DEFB107A: variants seen among roughly 807,000 people sequenced by gnomAD.
DEFB107A encodes beta-defensin 107.
rs1176834156 is a variant in DEFB107A, at chr8:7,813,473, G to A, written c.71-1523C>T. 1.0e-3 allele frequency among the ~76,000 whole-genome samples: 156 copies of A among 150,210 alleles called. 1 individual carries two copies. The highest frequency in any genetic ancestry group is 3.7e-3 in the African/African-American group (151 of 40,426). On this transcript the variant is annotated intron_variant, in intron 1 of 1. Coordinates refer to ENST00000335021, the MANE Select transcript of DEFB107A (RefSeq NM_001037668.1). ...TATTTTTGGACTTTTACATGAAAGAGAAATAAGGTTTTGTCTTTCTTCAGT... is the reference window on the plus strand; with the variant it reads ...TATTTTTGGACTTTTACATGAAAGAAAAATAAGGTTTTGTCTTTCTTCAGT...
chr8:7,813,562 C>G (rs1817139072), intron 1 of DEFB107A, among the ~76,000 whole-genome samples: 1 of 151,918 alleles, frequency 6.6e-6, no homozygotes, highest in South Asian at 2.1e-4. Flanking sequence ...CAAGTTTATT[C>G]ATCTTCAAAA....
chr8:7,813,304 T>C (rs1178833985), intron 1 of DEFB107A, among the ~76,000 whole-genome samples: 3 of 143,446 alleles, frequency 2.1e-5, no homozygotes, highest in East Asian at 2.0e-4. Flanking sequence ...AATCAGGTTC[T>C]ATACTTTCTA....
chr8:7,812,952 C>CACAT (rs772424755), intron 1 of DEFB107A, among the ~76,000 whole-genome samples: 20 of 149,130 alleles, frequency 1.3e-4, no homozygotes, highest in African/African-American at 4.5e-4. Flanking sequence ...CACACACACA[C>CACAT]ATATATATAT....
At chr8:7,812,934 T>TACACACAC (rs5889217) in intron 1 of DEFB107A, among the ~76,000 whole-genome samples, 29 of 145,334 alleles carry the variant, frequency 2.0e-4, no homozygotes, top group East Asian at 1.2e-3. Context: ...CGCACACACA[T>TACACACAC]ACACACACAC....
In DEFB107A at chr8:7,813,214, C is replaced by T. The variant is rs1585681722; in HGVS notation, c.71-1264G>A. Among the ~76,000 whole-genome samples, 6 of 128,460 alleles carry T rather than the reference C, an allele frequency of 4.7e-5. No individual in the cohort carries two copies. In the South Asian group the frequency reaches 1.9e-3, roughly 41 times the overall value. The allele number at this position is 128,460 out of a possible 152,430, so 84.3% of individuals were successfully genotyped here. On this transcript the variant is annotated intron_variant, in intron 1 of 1. Coordinates refer to ENST00000335021, the MANE Select transcript of DEFB107A (RefSeq NM_001037668.1). ...GCTATTCACATCAGCTCCTAGCTTCCTATTTCTATATGTCCACATGAACAA... is the reference window on the plus strand; with the variant it reads ...GCTATTCACATCAGCTCCTAGCTTCTTATTTCTATATGTCCACATGAACAA...
rs1379524389 is a variant in DEFB107A, at chr8:7,811,999, G to GT, written c.71-50dup. On this transcript the variant is annotated intron_variant, in intron 1 of 1. Coordinates refer to ENST00000335021, the MANE Select transcript of DEFB107A (RefSeq NM_001037668.1). ...TTCAGTTATCTAGTAATTAGTAACT[G>GT]TAAGATAAAATTACATCGCCCAGGC... 3 of 112,426 alleles carry GT rather than the reference G, an allele frequency of 2.7e-5. No homozygotes were observed. The African/African-American group carries it at 3.9e-4, about 15-fold the overall frequency. 7.0% of individuals were successfully genotyped at this position (112,426 alleles called of 1,614,324 possible).
chr8:7,813,039 A>G (rs1817123648), intron 1 of DEFB107A, among the ~76,000 whole-genome samples: 2 of 150,782 alleles, frequency 1.3e-5, no homozygotes, highest in Non-Finnish European at 3.0e-5. Context: ...ATGACCAACA[A>G]TGGTAAACTC....
At chr8:7,814,970 A>G (rs1377218624) in intron 1 of DEFB107A, among the ~76,000 whole-genome samples, 17 of 50,206 alleles carry the variant, frequency 3.4e-4, no homozygotes, top group East Asian at 5.6e-4. Context: ...TATGCTGGCC[A>G]GGCGCGGTGG....
At chr8:7,813,447 C>G (rs1394391301) in intron 1 of DEFB107A, among the ~76,000 whole-genome samples, 1 of 149,850 alleles carries the variant, frequency 6.7e-6, no homozygotes, top group Admixed American at 6.7e-5. Flanking sequence ...GTCAACTTAG[C>G]TATTTTTGGA....
chr8:7,814,880 C>A (rs62641362), intron 1 of DEFB107A, among the ~76,000 whole-genome samples: 761 of 63,408 alleles, frequency 0.012, 11 homozygotes, highest in African/African-American at 0.023. Context: ...CCTAACTTAA[C>A]AAATATGTTT....
rs1160791841 is a variant in DEFB107A at position 7,815,247 on chromosome 8, CAA to C, written c.70+310_70+311del. Among the ~76,000 whole-genome samples the C allele has an allele frequency of 3.1e-3, 22 of 7,082 alleles. 1 individual carries two copies. The highest frequency in any genetic ancestry group is 0.01 in the East Asian group (1 of 98). The allele number at this position is 7,082 out of a possible 152,430, so 4.6% of individuals were successfully genotyped here. Reference sequence around the variant, plus strand: ...TGGGCGACAGCGCGAGACTCCGTCTCAAAAAAAAAAAAAAAAAAAAAAAAGAA... The same window carrying C: ...TGGGCGACAGCGCGAGACTCCGTCTCAAAAAAAAAAAAAAAAAAAAAAGAA... On this transcript the variant is annotated intron_variant, in intron 1 of 1. Transcript: ENST00000335021.
At chr8:7,813,625 T>C (rs1357050761) in intron 1 of DEFB107A, among the ~76,000 whole-genome samples, 3 of 151,798 alleles carry the variant, frequency 2.0e-5, no homozygotes, top group Non-Finnish European at 4.4e-5. Flanking sequence ...ACAGGGTGCA[T>C]ACAGCTTATA....
At chr8:7,813,053 CAT>C (rs1486007444) in intron 1 of DEFB107A, among the ~76,000 whole-genome samples, 4 of 149,938 alleles carry the variant, frequency 2.7e-5, no homozygotes, top group East Asian at 2.0e-4. Flanking sequence ...TAAACTCTAA[CAT>C]AGCATAGAGT....
chr8:7,813,170 C>G, intron 1 of DEFB107A, among the ~76,000 whole-genome samples: 1 of 116,324 alleles, frequency 8.6e-6, no homozygotes, highest in East Asian at 2.5e-4. Context: ...CTGGGTTTAG[C>G]TGGACACATG....
At chr8:7,813,806 C>G (rs1291274941) in intron 1 of DEFB107A, among the ~76,000 whole-genome samples, 2 of 151,578 alleles carry the variant, frequency 1.3e-5, no homozygotes, top group Non-Finnish European at 2.9e-5. Flanking sequence ...AATTCAAATA[C>G]ATCTGAGATG....
At chr8:7,813,207 T>A (rs1362494006) in intron 1 of DEFB107A, among the ~76,000 whole-genome samples, 1 of 127,048 alleles carries the variant, frequency 7.9e-6, no homozygotes, top group East Asian at 2.2e-4. Context: ...CATCAGCTCC[T>A]AGCTTCCTAT....
intron 1 of DEFB107A, among the ~76,000 whole-genome samples, chr8:7,815,247 CAAAAAAAAA>C (rs1160791841): frequency 4.3e-4 from 3 of 7,056 alleles, no homozygotes; most frequent in East Asian, 0.01. Context: ...GACTCCGTCT[CAAAAAAAAA>C]AAAAAAAAAA....
intron 1 of DEFB107A, among the ~76,000 whole-genome samples, chr8:7,812,998 G>A (rs1474845765): frequency 6.6e-6 from 1 of 151,500 alleles, no homozygotes. Flanking sequence ...CTGAATCAGG[G>A]CAGAGAACAA....
intron 1 of DEFB107A, among the ~76,000 whole-genome samples, chr8:7,813,455 G>A (rs1258627896): frequency 6.7e-6 from 1 of 149,912 alleles, no homozygotes; most frequent in African/African-American, 2.5e-5. Flanking sequence ...AGCTATTTTT[G>A]GACTTTTACA....
Sources: allele counts gnomAD v4.1 joint callset (sites outside exome capture counted in the v4.1 genomes callset), GRCh38; gene constraint gnomAD v4.1.1; transcripts MANE v1.5; gene names NCBI Gene and HGNC (gene_info 2026-07-23, HGNC 2026-07-21).